GALNT12: variants seen among roughly 807,000 people sequenced by gnomAD.
GALNT12 encodes polypeptide N-acetylgalactosaminyltransferase 12.
GALNT12 carries 45 observed loss-of-function variants against 55.5 expected under a neutral mutation model. That is an observed-to-expected ratio of 0.81 (90% CI 0.64 to 1.04). GALNT12 has a LOEUF of 1.04. GALNT12 is among the 50% of genes least tolerant of loss of function. The pLI, the probability that GALNT12 is intolerant of heterozygous loss-of-function variation, is 0.00. For missense variants in GALNT12, 709 were observed against 754.8 expected (o/e 0.94, Z 0.71); for synonymous variants, 304 against 312.2 (o/e 0.97, Z 0.28).
At position 98,839,996 on chromosome 9, in the gene GALNT12, T is replaced by C. The variant is rs1836247298; in HGVS notation, c.1213-6T>C. On this transcript the variant is annotated splice_region_variant and splice_polypyrimidine_tract_variant and intron_variant, in intron 6 of 9. Coordinates refer to ENST00000375011, the MANE Select transcript of GALNT12 (RefSeq NM_024642.5). The stretch of plus-strand genomic sequence containing the variant: ...ATGGGGTCTCACTGTTTTGTTGTTT[T>C]CTCAGGAACCTTTTGGGGATGTGAC... The C allele has an allele frequency of 2.5e-6, 4 of 1,614,094 alleles. No homozygotes were observed. The highest frequency in any genetic ancestry group is 1.7e-4 in the Middle Eastern group (1 of 6,060).
chr9:98,823,334 A>AACTCT lies in GALNT12; in HGVS notation c.451_455dup (p.Arg154SerfsTer17). ...TAGCATTTTATAATGAAGCCTGGTC[A>AACTCT]ACTCTCCTTCGGACAGTTTACAGTG... On this transcript the variant is annotated frameshift_variant, in exon 2 of 10. Coordinates refer to ENST00000375011, the MANE Select transcript of GALNT12 (RefSeq NM_024642.5). LOFTEE classifies it high-confidence loss of function. 6.2e-7 allele frequency: 1 copy of AACTCT among 1,614,048 alleles called. No individual in the cohort carries two copies. Among genetic ancestry groups the AACTCT allele is most frequent in the Non-Finnish European group, 8.5e-7 (1 of 1,179,858 alleles).
In GALNT12 at chr9:98,831,825, G is replaced by A; in HGVS notation, c.785G>A (p.Trp262Ter). The change falls in exon 4 of 10, where the codon TGG becomes TAG. Residue 262 changes from tryptophan (W) to a stop codon, truncating the protein, a stop_gained. Coordinates refer to ENST00000375011, the MANE Select transcript of GALNT12 (RefSeq NM_024642.5). LOFTEE classifies it high-confidence loss of function. ...TGCCCGGTGATTGATGTGATCGACT[G>A]GAACACCTTCGAATACCTGGGGAAC... Reference protein sequence around the residue: ...VVCPVIDVIDWNTFEYLGNSG... With the variant: ...VVCPVIDVID The A allele has an allele frequency of 1.2e-6, 2 of 1,614,200 alleles. No homozygotes were observed. Among genetic ancestry groups the A allele is most frequent in the East Asian group, 4.5e-5 (2 of 44,878 alleles).
In GALNT12 at chr9:98,837,091, A is replaced by G; in HGVS notation, c.1155A>G (p.Glu385=). ...KALANSVRAA[E]VWMDEFKELY... ...TGGCCAACAGTGTTCGTGCAGCTGA[A>G]GTATGGATGGATGAATTTAAAGAGC... Residue 385 remains glutamate, a synonymous_variant, in exon 6 of 10, where the codon GAA becomes GAG. Transcript: ENST00000375011. The G allele has an allele frequency of 6.2e-7, 1 of 1,614,186 alleles. No homozygotes were observed. The highest frequency in any genetic ancestry group is 1.1e-5 in the South Asian group (1 of 91,084).
At chr9:98,848,796 G>C (rs1472310144) in intron 9 of GALNT12, 156 bp from the exon 10 acceptor site, 2 of 849,368 alleles carry the variant, frequency 2.4e-6, no homozygotes, top group Non-Finnish European at 3.8e-6. Flanking sequence ...CTGTGTCCCC[G>C]GGACAGTCCT....
intron 6 of GALNT12, among the ~76,000 whole-genome samples, chr9:98,838,668 C>T (rs1836214951): frequency 6.6e-6 from 1 of 152,252 alleles, no homozygotes; most frequent in Non-Finnish European, 1.5e-5. Context: ...CCCCAGCCAG[C>T]TCTGCATGCT....
At chr9:98,828,620 C>T (rs1835917525) in intron 3 of GALNT12, among the ~76,000 whole-genome samples, 1 of 152,164 alleles carries the variant, frequency 6.6e-6, no homozygotes, top group African/African-American at 2.4e-5. Flanking sequence ...GGATTTTCCA[C>T]CTCGGTTGTC....
chr9:98,839,805 G>A (rs1481369208), intron 6 of GALNT12, among the ~76,000 whole-genome samples, 197 bp from the exon 7 acceptor site: 1 of 152,208 alleles, frequency 6.6e-6, no homozygotes, highest in African/African-American at 2.4e-5. Flanking sequence ...AATTGTCTGT[G>A]TGACAGCCTC....
At chr9:98,808,662 G>A (rs896593383) in intron 1 of GALNT12, among the ~76,000 whole-genome samples, 3 of 152,198 alleles carry the variant, frequency 2.0e-5, no homozygotes, top group African/African-American at 7.2e-5. Flanking sequence ...GGCTCCTTCT[G>A]GCCGTGATCC....
At position 98,837,069 on chromosome 9, in the gene GALNT12, C is replaced by T. The variant is rs1836171083; in HGVS notation, c.1133C>T (p.Ala378Val). Residue 378 changes from alanine to valine, a missense_variant, in exon 6 of 10, where the codon GCC (alanine) becomes GTC (valine). By Grantham distance (64) the Ala-to-Val change is moderately conservative. This residue lies in a region of GALNT12 where 262 missense variants were observed against 310.7 expected (regional missense o/e 0.84). Transcript: ENST00000375011. ...CCCTACTCCCGCAACAAGGCTCTGG[C>T]CAACAGTGTTCGTGCAGCTGAAGTA... ...QAPYSRNKAL[A>V]NSVRAAEVWM... 1.2e-6 allele frequency: 2 copies of T among 1,614,172 alleles called. No individual in the cohort carries two copies. Among genetic ancestry groups the T allele is most frequent in the Non-Finnish European group, 1.7e-6 (2 of 1,180,028 alleles).
At chr9:98,837,576 A>T (rs1033537639) in intron 6 of GALNT12, among the ~76,000 whole-genome samples, 1 of 152,230 alleles carries the variant, frequency 6.6e-6, no homozygotes. Flanking sequence ...AATGAAGCTT[A>T]CCTAGCACGT....
intron 1 of GALNT12, among the ~76,000 whole-genome samples, chr9:98,822,573 A>G (rs998010374): frequency 9.2e-5 from 14 of 152,168 alleles, no homozygotes; most frequent in East Asian, 3.9e-4. Context: ...GAGGTAACCA[A>G]TGTCCTCTGT....
intron 1 of GALNT12, among the ~76,000 whole-genome samples, chr9:98,809,985 G>A (rs1290428755): frequency 6.6e-6 from 1 of 152,218 alleles, no homozygotes; most frequent in African/African-American, 2.4e-5. Context: ...AATTCCTGCA[G>A]CAAGGCCTGT....
chr9:98,846,187 T>C (rs1836410625), intron 9 of GALNT12, 64 bp downstream of exon 9: 7 of 1,576,300 alleles, frequency 4.4e-6, no homozygotes, highest in Non-Finnish European at 6.1e-6. Flanking sequence ...AGTGTGAGAG[T>C]CAGACGTTCT....
At chr9:98,816,715 ATC>A (rs1261923934) in intron 1 of GALNT12, among the ~76,000 whole-genome samples, 3 of 140,190 alleles carry the variant, frequency 2.1e-5, no homozygotes, top group Non-Finnish European at 4.5e-5. Context: ...CAATGGCGCC[ATC>A]TCAGCTCACT....
In GALNT12 at chr9:98,849,558, T is replaced by G; in HGVS notation, c.*466T>G. ...ATACCTCAGCTGCGGGGTTAAAGTT[T>G]TCCCAGTATAGAGAGACTGTCACTA... On this transcript the variant is annotated 3_prime_UTR_variant, in exon 10 of 10. Coordinates refer to ENST00000375011, the MANE Select transcript of GALNT12 (RefSeq NM_024642.5). The G allele has an allele frequency of 2.2e-6, 1 of 463,630 alleles. No individual in the cohort carries two copies. The highest frequency in any genetic ancestry group is 3.8e-6 in the Non-Finnish European group (1 of 266,076). The allele number at this position is 463,630 out of a possible 1,614,324, so 28.7% of individuals were successfully genotyped here. A position where few individuals can be genotyped will look rare whatever the true frequency, so the allele number is the denominator to read the frequency against.
At chr9:98,813,546 G>A (rs1210620842) in intron 1 of GALNT12, among the ~76,000 whole-genome samples, 3 of 150,716 alleles carry the variant, frequency 2.0e-5, no homozygotes, top group Non-Finnish European at 4.4e-5. Flanking sequence ...TGCCCAGGCT[G>A]GAGTGCAATG....
intron 2 of GALNT12, among the ~76,000 whole-genome samples, chr9:98,824,501 G>A (rs946273209): frequency 2.6e-5 from 4 of 152,204 alleles, no homozygotes; most frequent in Middle Eastern, 6.3e-3. Flanking sequence ...TGCAAGGGAG[G>A]CTGGGAGCTG....
At chr9:98,844,988 G>C (rs972386526) in intron 8 of GALNT12, among the ~76,000 whole-genome samples, 6 of 152,148 alleles carry the variant, frequency 3.9e-5, no homozygotes, top group African/African-American at 1.4e-4. Flanking sequence ...TTCAGATGTT[G>C]TTTTTTCCAA....
intron 1 of GALNT12, among the ~76,000 whole-genome samples, chr9:98,813,257 G>A (rs1308479689): frequency 1.3e-5 from 2 of 152,180 alleles, no homozygotes; most frequent in African/African-American, 2.4e-5. Flanking sequence ...GACATTTGAA[G>A]GTATTATTCC....
Sources: allele counts gnomAD v4.1 joint callset (sites outside exome capture counted in the v4.1 genomes callset), GRCh38; gene constraint gnomAD v4.1.1; regional missense constraint gnomAD v4.1.1; transcripts MANE v1.5; gene names NCBI Gene and HGNC (gene_info 2026-07-23, HGNC 2026-07-21).